PCDHGB3: variants seen among roughly 807,000 people sequenced by gnomAD.
The protein encoded by PCDHGB3 is protocadherin gamma subfamily B, 3.
A neutral mutation model predicts 59.2 loss-of-function variants in PCDHGB3; 40 were observed. The observed-to-expected ratio is 0.68, with a 90% CI of 0.52 to 0.88. PCDHGB3 has a LOEUF of 0.88. PCDHGB3 is among the 40% of genes least tolerant of loss of function. The probability of loss-of-function intolerance (pLI) is 0.00; values close to 1 mark genes in which losing one functional copy is unlikely to be tolerated. For synonymous variants in PCDHGB3, 581 were observed against 503.6 expected (o/e 1.15, Z -2.06); for missense variants, 1,309 against 1,187.9 (o/e 1.10, Z -1.50).
At chr5:141,434,609 G>A (rs189866750) in intron 1 of PCDHGB3, among the ~76,000 whole-genome samples, 11 of 152,064 alleles carry the variant, frequency 7.2e-5, no homozygotes, top group Non-Finnish European at 1.3e-4. Context: ...CTTTATTTCC[G>A]CCCATCTCTT....
chr5:141,478,607 A>T (rs892000536), intron 1 of PCDHGB3: 1 of 1,560,800 alleles, frequency 6.4e-7, no homozygotes, highest in Non-Finnish European at 8.7e-7. Context: ...CATCATATTG[A>T]GGAAGGAATG....
chr5:141,485,995 T>G lies in PCDHGB3; in HGVS notation c.2416-8812T>G. 1 of 1,614,176 alleles carries G rather than the reference T, an allele frequency of 6.2e-7. No individual in the cohort carries two copies. On this transcript the variant is annotated intron_variant, in intron 1 of 3. Transcript: ENST00000576222. The surrounding 1 kb of genome is among the most constrained non-coding windows in gnomAD (Gnocchi z 5.7). ...CCTCAGACCCGGACCTGGGTCCCAG[T>G]GGTAACGTCACCTTTTATTTCAGTG...
intron 1 of PCDHGB3, chr5:141,383,567 C>A (rs752569196): frequency 6.2e-7 from 1 of 1,613,214 alleles, no homozygotes; most frequent in Non-Finnish European, 8.5e-7. Context: ...CCGCCCCGAT[C>A]CAGCACCGCC....
Position 141,487,266 on chromosome 5 carries a change from T to A in PCDHGB3, c.2416-7541T>A. The stretch of plus-strand genomic sequence containing the variant: ...ACCCTCTACTTGGCTGTGTCCCTAG[T>A]GGCAATTTGCTTTGTCTCCTTTGGC... On this transcript the variant is annotated intron_variant, in intron 1 of 3. Transcript: ENST00000576222. This position sits in a 1 kb window ranked among gnomAD's most constrained non-coding sequence, Gnocchi z 5.0. The A allele has an allele frequency of 1.2e-6, 2 of 1,614,172 alleles. No homozygotes were observed. Among genetic ancestry groups the A allele is most frequent in the Non-Finnish European group, 8.5e-7 (1 of 1,180,036 alleles).
intron 1 of PCDHGB3, chr5:141,387,841 C>T: frequency 2.5e-6 from 4 of 1,597,678 alleles, no homozygotes; most frequent in Non-Finnish European, 3.4e-6. Flanking sequence ...TATTTGTAAC[C>T]CGGCGTCTCC....
Position 141,489,826 on chromosome 5 carries a change from C to T in PCDHGB3, c.2416-4981C>T, listed in dbSNP as rs1270077118. 1 of 1,614,186 alleles carries T rather than the reference C, an allele frequency of 6.2e-7. No individual in the cohort carries two copies. The highest frequency in any genetic ancestry group is 1.7e-5 in the Admixed American group (1 of 60,028). On this transcript the variant is annotated intron_variant, in intron 1 of 3. Coordinates refer to ENST00000576222, the MANE Select transcript of PCDHGB3 (RefSeq NM_018924.5). The surrounding 1 kb of genome is among the most constrained non-coding windows in gnomAD (Gnocchi z 4.5). ...TGGGAAGCCATTCCCAGAGCTGGTGCTAGAGCAGCAGCTGGATCGTGAAGC... is the reference window on the plus strand; with the variant it reads ...TGGGAAGCCATTCCCAGAGCTGGTGTTAGAGCAGCAGCTGGATCGTGAAGC...
rs549829392 is a variant in PCDHGB3 at position 141,403,606 on chromosome 5, C to T, written c.2415+30797C>T. The T allele has an allele frequency of 3.1e-5, 50 of 1,613,710 alleles. No homozygotes were observed. The East Asian group carries it at 8.5e-4, about 27-fold the overall frequency. Reference sequence around the variant, plus strand: ...TGGTCCTCACGGCCTCGGATGGCGGCGAGCCGCGTCGCTCCAGCACAGTGC... The same window carrying T: ...TGGTCCTCACGGCCTCGGATGGCGGTGAGCCGCGTCGCTCCAGCACAGTGC... On this transcript the variant is annotated intron_variant, in intron 1 of 3. Coordinates refer to ENST00000576222, the MANE Select transcript of PCDHGB3 (RefSeq NM_018924.5).
At chr5:141,427,883 C>T (rs2097084423) in intron 1 of PCDHGB3, 2 of 1,563,700 alleles carry the variant, frequency 1.3e-6, no homozygotes, top group African/African-American at 1.3e-5. Context: ...TGCAGGCCCA[C>T]GACCAGGGCT....
chr5:141,442,898 TCTC>T (rs1427810429), intron 1 of PCDHGB3, among the ~76,000 whole-genome samples: 14 of 152,222 alleles, frequency 9.2e-5, no homozygotes, highest in Admixed American at 9.2e-4. Context: ...GCTTATCACT[TCTC>T]CTTCAGCACA....
At chr5:141,471,302 C>T (rs111827070) in intron 1 of PCDHGB3, 9,302 of 152,168 alleles carry the variant, frequency 0.061, 339 homozygotes, top group South Asian at 0.12. Flanking sequence ...CCACCCAACT[C>T]GGCCTCCCAA....
At chr5:141,374,716 C>A (rs752741869) in intron 1 of PCDHGB3, 3 of 1,609,798 alleles carry the variant, frequency 1.9e-6, no homozygotes, top group African/African-American at 1.3e-5. Context: ...ACCGCCTGGT[C>A]CTTACTGCCA....
intron 1 of PCDHGB3, among the ~76,000 whole-genome samples, chr5:141,386,783 C>A (rs1254282500): frequency 6.6e-6 from 1 of 152,150 alleles, no homozygotes; most frequent in Non-Finnish European, 1.5e-5. Context: ...AAAAGAAAAT[C>A]TCCTGACCAA....
Position 141,422,925 on chromosome 5 carries a change from T to C in PCDHGB3, c.2415+50116T>C, listed in dbSNP as rs568894245. ...ACAATGCGCCCGAGATCCTGTACCC[T>C]GCCCTCCCCACAGACGGCTCCACTG... On this transcript the variant is annotated intron_variant, in intron 1 of 3. Transcript: ENST00000576222. 1.4e-4 allele frequency: 220 copies of C among 1,614,202 alleles called. 2 individuals are homozygous for C. The South Asian group carries it at 2.2e-3, about 16-fold the overall frequency.
Position 141,486,616 on chromosome 5 carries a change from C to A in PCDHGB3, c.2416-8191C>A. On this transcript the variant is annotated intron_variant, in intron 1 of 3. Transcript: ENST00000576222. The surrounding 1 kb of genome is among the most constrained non-coding windows in gnomAD (Gnocchi z 5.0). ...TGCTTTGCTCCCTTGCAGCCTCTGACCCAGACTCTGGCTTGAATGCGCTTA... is the reference window on the plus strand; with the variant it reads ...TGCTTTGCTCCCTTGCAGCCTCTGAACCAGACTCTGGCTTGAATGCGCTTA... The A allele has an allele frequency of 6.2e-7, 1 of 1,613,618 alleles. No individual in the cohort carries two copies. Among genetic ancestry groups the A allele is most frequent in the Non-Finnish European group, 8.5e-7 (1 of 1,180,022 alleles).
intron 1 of PCDHGB3, among the ~76,000 whole-genome samples, chr5:141,450,726 A>G (rs1302961852): frequency 2.0e-5 from 3 of 151,932 alleles, no homozygotes; most frequent in Admixed American, 2.0e-4. Flanking sequence ...ACCTCAGGTG[A>G]TCCGCCCGCC....
chr5:141,379,878 T>C (rs1775912256), intron 1 of PCDHGB3, among the ~76,000 whole-genome samples: 1 of 147,082 alleles, frequency 6.8e-6, no homozygotes, highest in African/African-American at 2.5e-5. Flanking sequence ...TTTTATGGTC[T>C]GTGAAAGCCT....
chr5:141,482,752 T>C (rs1361016909), intron 1 of PCDHGB3, among the ~76,000 whole-genome samples: 1 of 127,096 alleles, frequency 7.9e-6, no homozygotes, highest in Non-Finnish European at 1.6e-5. Context: ...AGAGGGATTA[T>C]GGTATTTCAT....
intron 1 of PCDHGB3, among the ~76,000 whole-genome samples, chr5:141,439,532 C>T (rs1030997598): frequency 6.6e-6 from 1 of 152,202 alleles, no homozygotes; most frequent in Admixed American, 6.5e-5. Context: ...CTACAGAACG[C>T]TGTCCTCTCA....
At chr5:141,447,657 C>A (rs997179275) in intron 1 of PCDHGB3, among the ~76,000 whole-genome samples, 4 of 152,088 alleles carry the variant, frequency 2.6e-5, no homozygotes, top group Non-Finnish European at 4.4e-5. Context: ...TTTTCCCCCC[C>A]AGGAAGTTAG....
Sources: gnomAD v4.1 joint callset for allele counts (sites outside exome capture counted in the v4.1 genomes callset) on GRCh38, gnomAD v4.1.1 for gene constraint, Gnocchi (gnomAD v3.1) non-coding constraint, MANE v1.5 for transcripts, NCBI Gene and HGNC (gene_info 2026-07-23, HGNC 2026-07-21) for gene names.